TNFAIP8: variants seen among roughly 807,000 people sequenced by gnomAD.
TNFAIP8 encodes the protein tumor necrosis factor alpha-induced protein 8.
TNFAIP8 carries 7 observed loss-of-function variants against 13.3 expected under a neutral mutation model. That is an observed-to-expected ratio of 0.52 (90% confidence interval 0.30 to 0.99). TNFAIP8 has a LOEUF of 0.99. Among genes scored for constraint, TNFAIP8 ranks in the 50% least tolerant of loss-of-function variants. TNFAIP8 has a pLI of 0.07. For missense variants in TNFAIP8, 258 were observed against 236.9 expected, an observed-to-expected ratio of 1.09 and a Z score of -0.58; for synonymous variants, 94 against 87.6, an observed-to-expected ratio of 1.07 and a Z score of -0.41.
chr5:119,391,108 T>A (rs1580453427), intron 1 of TNFAIP8, among the ~76,000 whole-genome samples: 1 of 151,778 alleles, frequency 6.6e-6, no homozygotes, highest in African/African-American at 2.4e-5. Context: ...TGCTGGGATT[T>A]CAAGTGTGAG....
At chr5:119,385,476 T>C (rs1214719043) in intron 1 of TNFAIP8, among the ~76,000 whole-genome samples, 2 of 152,190 alleles carry the variant, frequency 1.3e-5, no homozygotes, top group African/African-American at 4.8e-5. Flanking sequence ...GCTTCTCCTC[T>C]TGTCTTGTAG....
Position 119,367,224 on chromosome 5 carries a change from T to C in TNFAIP8, c.31+11103T>C, listed in dbSNP as rs140427327. On this transcript the variant is annotated intron_variant, in intron 1 of 1. Coordinates refer to ENST00000504771, the MANE Select transcript of TNFAIP8 (RefSeq NM_014350.4). ...TTTTAGTCCTCTGCATTTCTAGTTC[T>C]TTAAATTCTCAGATAACCCTTCCTT... is the stretch of plus-strand genomic sequence containing the variant. Among the ~76,000 whole-genome samples, 4 of 152,224 alleles carry C rather than the reference T, an allele frequency of 2.6e-5. No individual in the cohort carries two copies. In the East Asian group the frequency reaches 7.7e-4, roughly 29 times the overall value.
At chr5:119,366,607 T>C (rs1004837762) in intron 1 of TNFAIP8, among the ~76,000 whole-genome samples, 1 of 152,242 alleles carries the variant, frequency 6.6e-6, no homozygotes, top group African/African-American at 2.4e-5. Flanking sequence ...CAAAGCTGCC[T>C]GTGACATCGT....
chr5:119,296,017 A>C (rs1749163425), intron 1 of TNFAIP8, among the ~76,000 whole-genome samples: 1 of 150,230 alleles, frequency 6.7e-6, no homozygotes, highest in African/African-American at 2.5e-5. Flanking sequence ...CAGCTTAAGG[A>C]GATTTTGGGC....
chr5:119,356,644 A>G (rs550148449), intron 1 of TNFAIP8, among the ~76,000 whole-genome samples: 2 of 150,626 alleles, frequency 1.3e-5, no homozygotes, highest in African/African-American at 4.9e-5. Context: ...CAGTGAGTTC[A>G]TTTCGTTGGG....
upstream of TNFAIP8, chr5:119,355,421 C>T (rs1300945961): frequency 7.1e-6 from 5 of 700,182 alleles, no homozygotes; most frequent in Non-Finnish European, 1.3e-5. Flanking sequence ...CCACTTTCTT[C>T]AAAAGGCCCC....
intron 1 of TNFAIP8, among the ~76,000 whole-genome samples, chr5:119,327,139 T>C (rs1370808580): frequency 6.6e-6 from 1 of 152,090 alleles, no homozygotes; most frequent in Non-Finnish European, 1.5e-5. Flanking sequence ...GGAGATGAGA[T>C]GTTGTTTCCT....
At chr5:119,308,435 G>A (rs184036777) in intron 1 of TNFAIP8, among the ~76,000 whole-genome samples, 2 of 143,570 alleles carry the variant, frequency 1.4e-5, no homozygotes, top group Non-Finnish European at 3.0e-5. Context: ...TGTGTGCAGT[G>A]CATCATGTAG....
chr5:119,301,979 A>C (rs1264686752), intron 1 of TNFAIP8, among the ~76,000 whole-genome samples: 1 of 152,248 alleles, frequency 6.6e-6, no homozygotes, highest in Non-Finnish European at 1.5e-5. Flanking sequence ...TTTCTAGTTT[A>C]TCTTCAGGAA....
intron 1 of TNFAIP8, among the ~76,000 whole-genome samples, chr5:119,382,353 T>A (rs1003915475): frequency 6.6e-6 from 1 of 152,066 alleles, no homozygotes; most frequent in African/African-American, 2.4e-5. Flanking sequence ...TCCCTGGGAG[T>A]CTTGAGTGGA....
At chr5:119,335,747 G>C (rs1011234575) in intron 1 of TNFAIP8, among the ~76,000 whole-genome samples, 2 of 151,982 alleles carry the variant, frequency 1.3e-5, no homozygotes, top group Admixed American at 1.3e-4. Flanking sequence ...CCTGCTCTTG[G>C]AGAGCTGATA....
At chr5:119,322,933 T>A (rs1317565154) in intron 1 of TNFAIP8, among the ~76,000 whole-genome samples, 4 of 152,234 alleles carry the variant, frequency 2.6e-5, no homozygotes, top group Non-Finnish European at 5.9e-5. Context: ...TGAAGAAAGC[T>A]GAACTTGCCT....
At position 119,396,589 on chromosome 5, in the gene TNFAIP8, TCAA is replaced by T. The variant is rs1358110683; in HGVS notation, c.*3211_*3213del. ...GTAGGCACGGCATCAGTTTCAAACTTCAACATTATTTTCCAGATTTGGAGGCTC... is the reference window on the plus strand; with the variant it reads ...GTAGGCACGGCATCAGTTTCAAACTTCATTATTTTCCAGATTTGGAGGCTC... On this transcript the variant is annotated 3_prime_UTR_variant, in exon 2 of 2. Coordinates refer to ENST00000504771, the MANE Select transcript of TNFAIP8 (RefSeq NM_014350.4). The T allele has an allele frequency of 1.3e-5, 2 of 152,164 alleles. No homozygotes were observed. The highest frequency in any genetic ancestry group is 2.9e-5 in the Non-Finnish European group (2 of 68,036). The allele number at this position is 152,164 out of a possible 1,614,324, so 9.4% of individuals were successfully genotyped here. A position where few individuals can be genotyped will look rare whatever the true frequency, so the allele number is the denominator to read the frequency against.
At chr5:119,319,671 ATTATTATGGGTTAT>A (rs1388710597) in intron 1 of TNFAIP8, among the ~76,000 whole-genome samples, 2 of 152,192 alleles carry the variant, frequency 1.3e-5, no homozygotes, top group Admixed American at 1.3e-4. Flanking sequence ...GGTAACCAGG[ATTATTATGGGTTAT>A]TTCTATGTAT....
chr5:119,385,201 C>G (rs1298167425), intron 1 of TNFAIP8, among the ~76,000 whole-genome samples: 1 of 152,206 alleles, frequency 6.6e-6, no homozygotes, highest in Non-Finnish European at 1.5e-5. Context: ...GATGAGAAAA[C>G]TGTGTTTCAA....
At chr5:119,308,280 G>C (rs79572079) in intron 1 of TNFAIP8, among the ~76,000 whole-genome samples, 2,402 of 152,082 alleles carry the variant, frequency 0.016, 66 homozygotes, top group African/African-American at 0.054. Context: ...AGGGGAATCT[G>C]TATCATTTCC....
intron 1 of TNFAIP8, chr5:119,268,960 C>G (rs1015345154): frequency 5.9e-6 from 4 of 672,288 alleles, no homozygotes; most frequent in Non-Finnish European, 1.1e-5. Flanking sequence ...GCGCCTCTCC[C>G]GCCGCTGGGC....
intron 1 of TNFAIP8, among the ~76,000 whole-genome samples, chr5:119,371,188 C>T (rs1752055917): frequency 6.6e-6 from 1 of 152,114 alleles, no homozygotes; most frequent in African/African-American, 2.4e-5. Flanking sequence ...AGACAGCATT[C>T]ATTTTGAGTA....
In TNFAIP8 at chr5:119,398,284, C is replaced by A. The variant is rs1419589805; in HGVS notation, c.*4903C>A. On this transcript the variant is annotated 3_prime_UTR_variant, in exon 2 of 2. Transcript: ENST00000504771. ...CGGTTTGTTCTTAATACAAGAAAGA[C>A]AATTTGATTTTTAAAAGTTTTGATT... is the stretch of plus-strand genomic sequence containing the variant. 1 of 152,160 alleles carries A rather than the reference C, an allele frequency of 6.6e-6. No individual in the cohort carries two copies. Among genetic ancestry groups the A allele is most frequent in the Non-Finnish European group, 1.5e-5 (1 of 68,020 alleles). The allele number at this position is 152,160 out of a possible 1,614,324, so 9.4% of individuals were successfully genotyped here.
Sources: allele counts gnomAD v4.1 joint callset (sites outside exome capture counted in the v4.1 genomes callset), GRCh38; gene constraint gnomAD v4.1.1; transcripts MANE v1.5; gene names NCBI Gene and HGNC (gene_info 2026-07-23, HGNC 2026-07-21).